NFKB1: variants seen among roughly 807,000 people sequenced by gnomAD.
NFKB1 encodes nuclear factor kappa B subunit 1, also known as nuclear factor NF-kappa-B p105 subunit.
A neutral mutation model predicts 105.1 loss-of-function variants in NFKB1; 9 were observed. That is an observed-to-expected ratio of 0.09 (90% CI 0.05 to 0.15). The LOEUF is 0.15. NFKB1 is among the 10% of genes least tolerant of loss of function. The pLI is 1.00. For synonymous variants in NFKB1, 440 were observed against 442.2 expected (o/e 1.00, Z 0.06); for missense variants, 830 against 1,203.7 (o/e 0.69, Z 4.59).
At chr4:102,533,270 T>A (rs1230977588) in intron 3 of NFKB1, among the ~76,000 whole-genome samples, 1 of 152,132 alleles carries the variant, frequency 6.6e-6, no homozygotes, top group African/African-American at 2.4e-5. Flanking sequence ...ATGAAGGCAG[T>A]ACTTTCCCTT....
At chr4:102,525,088 G>C (rs1740820790) in intron 1 of NFKB1, among the ~76,000 whole-genome samples, 1 of 152,168 alleles carries the variant, frequency 6.6e-6, no homozygotes, top group African/African-American at 2.4e-5. Context: ...CTTTGAGACA[G>C]TTCTGGGACC....
In NFKB1 at chr4:102,606,684, C is replaced by A. The variant is rs1727768041; in HGVS notation, c.1941C>A (p.His647Gln). 1 of 1,613,972 alleles carries A rather than the reference C, an allele frequency of 6.2e-7. No homozygotes were observed. The highest frequency in any genetic ancestry group is 1.3e-5 in the African/African-American group (1 of 75,036). Residue 647 changes from histidine to glutamine, a missense_variant, in exon 17 of 24, where the codon CAC (histidine) becomes CAA (glutamine). Physicochemically the swap from His to Gln is conservative, Grantham distance 24. This residue lies in a region of NFKB1 where 418 missense variants were observed against 575.3 expected (regional missense o/e 0.73). Coordinates refer to ENST00000226574, the MANE Select transcript of NFKB1 (RefSeq NM_003998.4). ...KHKKAALLLD[H>Q]PNGDGLNAIH... ...AAAAGGCAGCACTACTTCTTGACCA[C>A]CCCAACGGGGACGGTAAGAGACAAT...
chr4:102,528,597 T>C (rs2149116816), intron 2 of NFKB1, among the ~76,000 whole-genome samples: 1 of 152,288 alleles, frequency 6.6e-6, no homozygotes, highest in African/African-American at 2.4e-5. Context: ...CTTACTAGTC[T>C]CTCATAAAAA....
At chr4:102,611,275 T>C (rs947102568) in intron 20 of NFKB1, among the ~76,000 whole-genome samples, 6 of 152,166 alleles carry the variant, frequency 3.9e-5, no homozygotes, top group Admixed American at 6.5e-5. Flanking sequence ...TCAGTTCTTC[T>C]AGAGACGAGA....
chr4:102,579,376 T>C (rs1725133464), intron 8 of NFKB1, among the ~76,000 whole-genome samples: 1 of 152,138 alleles, frequency 6.6e-6, no homozygotes, highest in African/African-American at 2.4e-5. Flanking sequence ...CCCAATTTTC[T>C]TTGGTGGTGG....
rs572822543 is a variant in NFKB1, at chr4:102,510,899, A to G, written c.-8+9111A>G. The G allele has an allele frequency of 1.4e-4, 179 of 1,281,284 alleles. No homozygotes were observed. In the African/African-American group the frequency reaches 2.4e-3, roughly 17 times the overall value. 79.4% of individuals were successfully genotyped at this position (1,281,284 alleles called of 1,614,324 possible). ...TCCTAGAAGGAACACAACGTCCTAC[A>G]TCAAGAAAAAAGACAGAAGCATATC... On this transcript the variant is annotated intron_variant, in intron 1 of 23. Transcript: ENST00000226574.
chr4:102,502,691 A>G (rs1288397917), intron 1 of NFKB1, among the ~76,000 whole-genome samples: 1 of 152,074 alleles, frequency 6.6e-6, no homozygotes, highest in Non-Finnish European at 1.5e-5. Context: ...TTATCCTGAA[A>G]CTCAAATGGG....
intron 21 of NFKB1, 81 bp from the exon 22 acceptor site, chr4:102,612,353 C>A: frequency 1.4e-6 from 2 of 1,455,816 alleles, no homozygotes; most frequent in South Asian, 1.3e-5. Flanking sequence ...AGTTGGACAG[C>A]AAGCCAGGCA....
chr4:102,536,574 T>C (rs1293751373), intron 4 of NFKB1, among the ~76,000 whole-genome samples: 1 of 152,188 alleles, frequency 6.6e-6, no homozygotes, highest in Non-Finnish European at 1.5e-5. Flanking sequence ...AAGACCCTAC[T>C]TGGCATAATG....
intron 6 of NFKB1, among the ~76,000 whole-genome samples, chr4:102,574,572 A>C (rs1724658435): frequency 2.0e-5 from 3 of 152,046 alleles, no homozygotes; most frequent in Non-Finnish European, 4.4e-5. Context: ...TCAACCTCAG[A>C]GATTGCCAGG....
rs775204542 is a variant in NFKB1, at chr4:102,574,460, A to AGTGATCG, written c.408-2410_408-2409insGGTGATC. Among the ~76,000 whole-genome samples, 46 of 152,114 alleles carry AGTGATCG rather than the reference A, an allele frequency of 3.0e-4. 1 individual carries two copies. The highest frequency in any genetic ancestry group is 5.9e-4 in the Non-Finnish European group (40 of 68,034). On this transcript the variant is annotated intron_variant, in intron 6 of 23. Transcript: ENST00000226574. ...CACACAGCACTCAGCTGAAGACTCC[A>AGTGATCG]GTGATCTCTGAGTGTATCTCTGTTT...
intron 1 of NFKB1, chr4:102,511,091 AT>A: frequency 4.3e-6 from 2 of 460,436 alleles, no homozygotes; most frequent in South Asian, 6.3e-5. Context: ...TTTTTTTATT[AT>A]TTTTTCCTTC....
At chr4:102,537,828 A>G in intron 4 of NFKB1, 30 bp from the exon 5 acceptor site, 1 of 1,374,182 alleles carries the variant, frequency 7.3e-7, no homozygotes, top group Non-Finnish European at 1.0e-6. Context: ...TATTTCTCAA[A>G]CTTAATTGGC....
In NFKB1 at chr4:102,584,549, G is replaced by T. The variant is rs1725565981; in HGVS notation, c.928-133G>T. On this transcript the variant is annotated intron_variant, in intron 10 of 23. Coordinates refer to ENST00000226574, the MANE Select transcript of NFKB1 (RefSeq NM_003998.4). ...AGTTTGGAACTTTCTCCAGGACACG[G>T]TGTTTTTTAGTACACTGTGTCTAAA... is the stretch of plus-strand genomic sequence containing the variant. 4 of 779,440 alleles carry T rather than the reference G, an allele frequency of 5.1e-6. No homozygotes were observed. In the South Asian group the frequency reaches 1.4e-4, roughly 28 times the overall value. The allele number at this position is 779,440 out of a possible 1,614,324, so 48.3% of individuals were successfully genotyped here. A position where few individuals can be genotyped will look rare whatever the true frequency, so the allele number is the denominator to read the frequency against.
At position 102,566,994 on chromosome 4, in the gene NFKB1, A is replaced by G. The variant is rs763286279; in HGVS notation, c.266A>G (p.Asn89Ser). The G allele has an allele frequency of 1.2e-5, 19 of 1,613,846 alleles. No individual in the cohort carries two copies. The highest frequency in any genetic ancestry group is 1.6e-4 in the Middle Eastern group (1 of 6,082). Residue 89 changes from asparagine (N) to serine (S), a missense_variant, in exon 6 of 24, where the codon AAC becomes AGC. This residue lies in a region of NFKB1 where 64 missense variants were observed against 79.9 expected (regional missense o/e 0.80). Transcript: ENST00000226574. Reference protein sequence around the residue: ...KKSYPQVKICNYVGPAKVIVQ... With the variant: ...KKSYPQVKICSYVGPAKVIVQ... ...AATGTGCTTCTTATATAGATCTGCA[A>G]CTATGTGGGACCAGCAAAGGTTATT... is the stretch of plus-strand genomic sequence containing the variant.
At chr4:102,527,415 AT>A (rs1740991404) in intron 2 of NFKB1, among the ~76,000 whole-genome samples, 1 of 152,196 alleles carries the variant, frequency 6.6e-6, no homozygotes, top group Admixed American at 6.5e-5. Flanking sequence ...TCACATTTAA[AT>A]TTTAGTGGAA....
chr4:102,520,123 GC>G (rs1288530129), intron 1 of NFKB1, among the ~76,000 whole-genome samples: 1 of 152,110 alleles, frequency 6.6e-6, no homozygotes, highest in East Asian at 1.9e-4. Flanking sequence ...GCTGTGACAG[GC>G]AAAAATGTCT....
chr4:102,576,213 T>G (rs1246635565), intron 6 of NFKB1, among the ~76,000 whole-genome samples: 1 of 150,638 alleles, frequency 6.6e-6, no homozygotes, highest in Non-Finnish European at 1.5e-5. Context: ...TGGTCATAAA[T>G]AATTCCAACC....
rs1365094146 is a variant in NFKB1 at position 102,617,064 on chromosome 4, T to C, written c.*470T>C. 2 of 147,514 alleles carry C rather than the reference T, an allele frequency of 1.4e-5. No individual in the cohort carries two copies. The highest frequency in any genetic ancestry group is 5.0e-5 in the African/African-American group (2 of 39,878). 9.1% of individuals were successfully genotyped at this position (147,514 alleles called of 1,614,324 possible). ...GTGCCATTTTAAAAAAAAAGGCATA[T>C]TGCTTTTTCTAATGTGGTTATTTCT... is the stretch of plus-strand genomic sequence containing the variant. On this transcript the variant is annotated 3_prime_UTR_variant, in exon 24 of 24. Coordinates refer to ENST00000226574, the MANE Select transcript of NFKB1 (RefSeq NM_003998.4).
Sources: allele counts gnomAD v4.1 joint callset (sites outside exome capture counted in the v4.1 genomes callset), GRCh38; gene constraint gnomAD v4.1.1; regional missense constraint gnomAD v4.1.1; transcripts MANE v1.5; gene names NCBI Gene and HGNC (gene_info 2026-07-23, HGNC 2026-07-21).